The following C12orf56 variants were observed in gnomAD, a reference collection of about 807,000 sequenced individuals.
C12orf56 encodes the protein uncharacterized protein C12orf56.
Under a neutral mutation model 69.9 loss-of-function variants are expected in C12orf56, and 71 were observed. That is an observed-to-expected ratio of 1.02 (90% CI 0.84 to 1.24). The LOEUF (loss-of-function observed/expected upper bound fraction) is 1.24. Ranked by LOEUF, C12orf56 falls within the 50% of genes most tolerant of loss-of-function variation. The pLI is 0.00. For synonymous variants in C12orf56, 276 were observed against 274.1 expected, an observed-to-expected ratio of 1.01 and a Z score of -0.07; for missense variants, 732 against 738.5, an observed-to-expected ratio of 0.99 and a Z score of 0.10.
chr12:64,390,190 TAAG>T (rs2039848139), intron 1 of C12orf56, 121 bp downstream of exon 1: 3 of 1,261,948 alleles, frequency 2.4e-6, no homozygotes, highest in Non-Finnish European at 3.2e-6. Context: ...CGTTCTCAAA[TAAG>T]AGGAGGGGAG....
chr12:64,305,964 T>C (rs1430771219), intron 5 of C12orf56, among the ~76,000 whole-genome samples: 1 of 152,222 alleles, frequency 6.6e-6, no homozygotes, highest in Non-Finnish European at 1.5e-5. Context: ...TTTCCTGTTT[T>C]TTCATTTGGA....
At chr12:64,277,535 TA>T in intron 9 of C12orf56, 144 bp downstream of exon 9, 1 of 474,682 alleles carries the variant, frequency 2.1e-6, no homozygotes, top group Non-Finnish European at 3.1e-6. Flanking sequence ...ACTAGTTATC[TA>T]AGTTTTGAGG....
chr12:64,267,355 A>C (rs1299922751), intron 12 of C12orf56, 67 bp from the exon 13 acceptor site: 1 of 1,238,518 alleles, frequency 8.1e-7, no homozygotes. Context: ...TGGTCACTTG[A>C]GTACATTCAC....
At position 64,298,478 on chromosome 12, in the gene C12orf56, T is replaced by C. The variant is rs1189661432; in HGVS notation, c.1113+5157A>G. On this transcript the variant is annotated intron_variant, in intron 6 of 12. Coordinates refer to ENST00000543942, the MANE Select transcript of C12orf56 (RefSeq NM_001170633.2). The stretch of plus-strand genomic sequence containing the variant: ...CCCATGCCTGTGTCCTGAATGGTAT[T>C]GCCTAGGTTTTCTTCTAGGACTTTT... 5.3e-5 allele frequency among the ~76,000 whole-genome samples: 8 copies of C among 152,380 alleles called. No homozygotes were observed. In the East Asian group the frequency reaches 1.5e-3, roughly 29 times the overall value.
At chr12:64,375,818 A>AC (rs2039632170) in intron 1 of C12orf56, among the ~76,000 whole-genome samples, 1 of 152,214 alleles carries the variant, frequency 6.6e-6, no homozygotes, top group South Asian at 2.1e-4. Flanking sequence ...TTATGCAACA[A>AC]CGAACAGTTT....
chr12:64,270,429 C>T (rs963673606), intron 12 of C12orf56, 107 bp downstream of exon 12: 4 of 1,005,624 alleles, frequency 4.0e-6, no homozygotes, highest in Non-Finnish European at 5.6e-6. Flanking sequence ...AAAAAGAATT[C>T]CTGATAAATA....
Position 64,303,673 on chromosome 12 carries a change from C to T in C12orf56, c.1075G>A (p.Ala359Thr). 6.4e-7 allele frequency: 1 copy of T among 1,569,804 alleles called. No individual in the cohort carries two copies. Among genetic ancestry groups the T allele is most frequent in the Non-Finnish European group, 8.6e-7 (1 of 1,158,648 alleles). Residue 359 changes from alanine (A) to threonine (T), a missense_variant, in exon 6 of 13, where the codon GCC becomes ACC. Transcript: ENST00000543942. ...LSLLMELKVA[A>T]QKNFILKRLF... ...CTTTTCAGAATGAAGTTTTTCTGGG[C>T]TGCTACTTTAAGTTCCATAAGTAAA...
chr12:64,324,802 G>T (rs1392167771), intron 3 of C12orf56, among the ~76,000 whole-genome samples: 1 of 152,178 alleles, frequency 6.6e-6, no homozygotes, highest in Non-Finnish European at 1.5e-5. Flanking sequence ...TAGTAGAGGT[G>T]TTGCAGAAGT....
chr12:64,280,551 G>A, intron 8 of C12orf56, among the ~76,000 whole-genome samples: 1 of 152,146 alleles, frequency 6.6e-6, no homozygotes, highest in Admixed American at 6.5e-5. Flanking sequence ...CTCTGAATAT[G>A]TTTGTCTGTC....
intron 2 of C12orf56, chr12:64,338,160 C>A: frequency 1.8e-6 from 1 of 565,744 alleles, no homozygotes; most frequent in South Asian, 1.4e-5. Context: ...ACGAGCTCCA[C>A]CTCCCGAAGG....
chr12:64,318,088 T>G (rs2038712667), intron 4 of C12orf56, among the ~76,000 whole-genome samples: 1 of 151,666 alleles, frequency 6.6e-6, no homozygotes, highest in Non-Finnish European at 1.5e-5. Flanking sequence ...TGAGATGGAG[T>G]CTTCCTCTGT....
At chr12:64,338,935 G>T in intron 2 of C12orf56, 1 of 512,052 alleles carries the variant, frequency 2.0e-6, no homozygotes. Flanking sequence ...TAGAGGTGAG[G>T]CATGGACACT....
At chr12:64,348,805 A>G (rs1313399649) in intron 2 of C12orf56, among the ~76,000 whole-genome samples, 1 of 152,198 alleles carries the variant, frequency 6.6e-6, no homozygotes, top group Non-Finnish European at 1.5e-5. Context: ...GATCCTCTTC[A>G]AAGGATGGTT....
chr12:64,379,271 G>A (rs1287082654), intron 1 of C12orf56, among the ~76,000 whole-genome samples: 2 of 151,760 alleles, frequency 1.3e-5, no homozygotes, highest in Non-Finnish European at 2.9e-5. Flanking sequence ...AGCTTCTTAA[G>A]ACTTGAATGC....
At chr12:64,333,114 C>T (rs1483018631) in intron 2 of C12orf56, among the ~76,000 whole-genome samples, 1 of 152,212 alleles carries the variant, frequency 6.6e-6, no homozygotes, top group African/African-American at 2.4e-5. Context: ...ACTCATCAAT[C>T]AGACAGGTTT....
At position 64,265,118 on chromosome 12, in the gene C12orf56, T is replaced by A. The variant is rs1215006242; in HGVS notation, c.*2065A>T. The A allele has an allele frequency of 2.6e-5, 4 of 152,264 alleles. No individual in the cohort carries two copies. Among genetic ancestry groups the A allele is most frequent in the Non-Finnish European group, 5.9e-5 (4 of 68,098 alleles). 9.4% of individuals were successfully genotyped at this position (152,264 alleles called of 1,614,324 possible). On this transcript the variant is annotated 3_prime_UTR_variant, in exon 13 of 13. Transcript: ENST00000543942. Reference sequence around the variant, plus strand: ...AGCTGAGTTGATCCTCTCGTTGTCATCCTGCGGGTTCATCAGTACATTCTT... The same window carrying A: ...AGCTGAGTTGATCCTCTCGTTGTCAACCTGCGGGTTCATCAGTACATTCTT...
intron 1 of C12orf56, among the ~76,000 whole-genome samples, chr12:64,386,864 T>G (rs2039798155): frequency 6.6e-6 from 1 of 150,746 alleles, no homozygotes; most frequent in East Asian, 2.0e-4. Context: ...AGAGGCCAGG[T>G]GGTCAGGAGT....
chr12:64,327,669 A>G (rs1201697052), intron 3 of C12orf56, among the ~76,000 whole-genome samples: 1 of 152,224 alleles, frequency 6.6e-6, no homozygotes, highest in Non-Finnish European at 1.5e-5. Context: ...GAATTTAGCT[A>G]CACAGGCTGT....
In C12orf56 at chr12:64,286,637, A is replaced by G. The variant is rs17763571; in HGVS notation, c.1114-577T>C. On this transcript the variant is annotated intron_variant, in intron 6 of 12. Transcript: ENST00000543942. ...AACCCATTTTTTAGTGTTCCTGTCC[A>G]GTCTCATGAGAAATCAAGCATGAAA... 9.4e-3 allele frequency among the ~76,000 whole-genome samples: 1,432 copies of G among 152,340 alleles called. 14 individuals are homozygous for G. Among genetic ancestry groups the G allele is most frequent in the South Asian group, 0.022 (106 of 4,826 alleles).
Sources: allele counts gnomAD v4.1 joint callset (sites outside exome capture counted in the v4.1 genomes callset), GRCh38; gene constraint gnomAD v4.1.1; transcripts MANE v1.5; gene names NCBI Gene and HGNC (gene_info 2026-07-23, HGNC 2026-07-21).